Variants in KCNIP1 observed in about 807,000 individuals in gnomAD.
The protein encoded by KCNIP1 is A-type potassium channel modulatory protein KCNIP1.
In KCNIP1, 18 loss-of-function variants were observed where a neutral mutation model predicts 33.0. The ratio of observed to expected loss-of-function variants is 0.55; its 90% CI spans 0.38 to 0.81. The LOEUF is 0.81. Ranked by LOEUF, KCNIP1 falls within the 30% of genes least tolerant of loss-of-function variation. The pLI, the probability that KCNIP1 is intolerant of heterozygous loss-of-function variation, is 0.00. For synonymous variants in KCNIP1, 93 were observed against 98.3 expected (o/e 0.95, Z 0.32); for missense variants, 238 against 271.6 (o/e 0.88, Z 0.87).
intron 1 of KCNIP1, among the ~76,000 whole-genome samples, chr5:170,536,146 A>T (rs1755976150): frequency 6.6e-6 from 1 of 152,246 alleles, no homozygotes; most frequent in African/African-American, 2.4e-5. Flanking sequence ...AGATGACGAA[A>T]CCCAGAGAGC....
At chr5:170,663,299 G>A (rs753359068) in intron 1 of KCNIP1, among the ~76,000 whole-genome samples, 1 of 152,152 alleles carries the variant, frequency 6.6e-6, no homozygotes, top group Non-Finnish European at 1.5e-5. Context: ...TCCCACACTT[G>A]CTTATTCCAA....
intron 1 of KCNIP1, among the ~76,000 whole-genome samples, chr5:170,576,833 C>T (rs1000021363): frequency 1.3e-5 from 2 of 152,220 alleles, no homozygotes; most frequent in African/African-American, 4.8e-5. Flanking sequence ...TTCTTGGCTG[C>T]CCCCTTTGAA....
chr5:170,732,258 C>T (rs1198971812), intron 5 of KCNIP1, among the ~76,000 whole-genome samples: 1 of 152,142 alleles, frequency 6.6e-6, no homozygotes, highest in Non-Finnish European at 1.5e-5. Flanking sequence ...TTGATAAACA[C>T]GGAAACTCTC....
At chr5:170,656,870 G>T (rs539747105) in intron 1 of KCNIP1, among the ~76,000 whole-genome samples, 2 of 152,124 alleles carry the variant, frequency 1.3e-5, no homozygotes, top group African/African-American at 2.4e-5. Flanking sequence ...CTTGGCTCCC[G>T]CTGTGGCCCT....
In KCNIP1 at chr5:170,560,575, A is replaced by G. The variant is rs187855046; in HGVS notation, c.61+55942A>G. On this transcript the variant is annotated intron_variant, in intron 1 of 7. Coordinates refer to ENST00000328939, the MANE Select transcript of KCNIP1 (RefSeq NM_014592.4). ...GTTGTGCCCCCGGGGATCAGGGACC[A>G]GGATGGTCCTTTCTTGGTGGTGAAG... Among the ~76,000 whole-genome samples, 7 of 152,184 alleles carry G rather than the reference A, an allele frequency of 4.6e-5. No individual in the cohort carries two copies. In the East Asian group the frequency reaches 1.4e-3, roughly 30 times the overall value.
intron 1 of KCNIP1, among the ~76,000 whole-genome samples, chr5:170,520,641 A>G (rs1213900864): frequency 2.0e-5 from 3 of 152,228 alleles, no homozygotes; most frequent in Non-Finnish European, 4.4e-5. Context: ...GGCTGTAGGA[A>G]GATCCAACTC....
chr5:170,684,915 A>G (rs555544814), intron 1 of KCNIP1, among the ~76,000 whole-genome samples: 2 of 152,134 alleles, frequency 1.3e-5, no homozygotes, highest in South Asian at 2.1e-4. Flanking sequence ...TCTGTTGCTC[A>G]CCTTCTTGGA....
intron 1 of KCNIP1, chr5:170,712,843 C>A (rs772892476): frequency 6.2e-7 from 1 of 1,613,634 alleles, no homozygotes; most frequent in Non-Finnish European, 8.5e-7. Flanking sequence ...TGTTTTCTCA[C>A]TCTTTCCTAG....
intron 1 of KCNIP1, among the ~76,000 whole-genome samples, chr5:170,565,048 A>G (rs1757158794): frequency 3.9e-5 from 6 of 152,038 alleles, no homozygotes; most frequent in Admixed American, 3.9e-4. Flanking sequence ...GCGAGACCAG[A>G]GCTCTGTGTG....
intron 1 of KCNIP1, among the ~76,000 whole-genome samples, chr5:170,604,989 C>T (rs2113598924): frequency 6.6e-6 from 1 of 152,390 alleles, no homozygotes; most frequent in Admixed American, 6.5e-5. Context: ...CCTCCTCCAG[C>T]TCAGGAAAGG....
intron 1 of KCNIP1, among the ~76,000 whole-genome samples, chr5:170,550,590 A>AATG (rs765554493): frequency 1.5e-5 from 2 of 134,042 alleles, no homozygotes; most frequent in African/African-American, 2.9e-5. Context: ...TGATGATGGC[A>AATG]ATGATGATGA....
At chr5:170,408,925 A>G (rs1755108061) in intron 1 of KCNIP1, among the ~76,000 whole-genome samples, 1 of 152,168 alleles carries the variant, frequency 6.6e-6, no homozygotes, top group Non-Finnish European at 1.5e-5. Context: ...TCAGTCCTGG[A>G]ACACCTGGTC....
chr5:170,459,924 C>G (rs1338767799), intron 1 of KCNIP1, among the ~76,000 whole-genome samples: 1 of 151,934 alleles, frequency 6.6e-6, no homozygotes, highest in Non-Finnish European at 1.5e-5. Flanking sequence ...AAGATAAATA[C>G]GATTGATAGA....
chr5:170,549,847 C>A (rs1756543258), intron 1 of KCNIP1, among the ~76,000 whole-genome samples: 1 of 152,158 alleles, frequency 6.6e-6, no homozygotes, highest in African/African-American at 2.4e-5. Flanking sequence ...AGTAATAATT[C>A]ATTTTTTGGG....
chr5:170,356,513 C>T (rs1161823590), intron 1 of KCNIP1, among the ~76,000 whole-genome samples: 2 of 152,192 alleles, frequency 1.3e-5, no homozygotes, highest in African/African-American at 4.8e-5. Flanking sequence ...TTCTCATCAG[C>T]GCTTATTGCA....
At chr5:170,734,032 C>A in intron 7 of KCNIP1, 134 bp downstream of exon 7, 1 of 656,770 alleles carries the variant, frequency 1.5e-6, no homozygotes, top group Non-Finnish European at 2.6e-6. Flanking sequence ...ACAACACCAG[C>A]AACAACTGTG....
intron 1 of KCNIP1, among the ~76,000 whole-genome samples, chr5:170,619,907 T>C (rs1166041558): frequency 6.6e-6 from 1 of 151,866 alleles, no homozygotes; most frequent in East Asian, 1.9e-4. Context: ...CAATCACAGC[T>C]CTCCAACTTC....
At chr5:170,393,623 A>G (rs755671729) in intron 1 of KCNIP1, among the ~76,000 whole-genome samples, 4 of 152,244 alleles carry the variant, frequency 2.6e-5, no homozygotes, top group Non-Finnish European at 5.9e-5. Context: ...AGAGGAAATA[A>G]CGGTGGGAGG....
At chr5:170,561,872 T>G (rs1757045218) in intron 1 of KCNIP1, among the ~76,000 whole-genome samples, 1 of 152,210 alleles carries the variant, frequency 6.6e-6, no homozygotes, top group Admixed American at 6.5e-5. Context: ...GGCTACCTCC[T>G]GAGAAACCCA....
Sources: allele counts gnomAD v4.1 joint callset (sites outside exome capture counted in the v4.1 genomes callset), GRCh38; gene constraint gnomAD v4.1.1; transcripts MANE v1.5; gene names NCBI Gene and HGNC (gene_info 2026-07-23, HGNC 2026-07-21).